SYT16: variants seen among roughly 807,000 people sequenced by gnomAD.
The protein encoded by SYT16 is synaptotagmin-16.
In SYT16, 42 loss-of-function variants were observed where a neutral mutation model predicts 61.4. The observed-to-expected ratio is 0.68, with a 90% CI of 0.53 to 0.89. The LOEUF (loss-of-function observed/expected upper bound fraction) is 0.89, where lower values mean the gene tolerates loss of function less well. Among genes scored for constraint, SYT16 ranks in the 40% least tolerant of loss-of-function variants. The probability of loss-of-function intolerance (pLI) is 0.00; values close to 1 mark genes in which losing one functional copy is unlikely to be tolerated. For missense variants in SYT16, 804 were observed against 807.3 expected, an observed-to-expected ratio of 1.00 and a Z score of 0.05; for synonymous variants, 314 against 302.3, an observed-to-expected ratio of 1.04 and a Z score of -0.40.
intron 5 of SYT16, chr14:62,079,311 T>C (rs1355676929): frequency 1.4e-5 from 16 of 1,129,832 alleles, no homozygotes; most frequent in Non-Finnish European, 1.2e-5. Flanking sequence ...GCTTCACTTA[T>C]TTTACAAGAA....
rs1333416258 is a variant in SYT16, at chr14:62,054,736, ATGC to A, written c.524-14864_524-14862del. ...TTTGGATATATTCATTATAGAGTCG[ATGC>A]TGAAGGGAGTTTATAACTGCCTTAT... On this transcript the variant is annotated intron_variant, in intron 3 of 7. Transcript: ENST00000683842. Among the ~76,000 whole-genome samples the A allele has an allele frequency of 2.6e-5, 4 of 152,324 alleles. No homozygotes were observed. In the East Asian group the frequency reaches 7.7e-4, roughly 29 times the overall value.
chr14:61,848,349 A>G (rs1441081013), intron 1 of SYT16, among the ~76,000 whole-genome samples: 4 of 152,178 alleles, frequency 2.6e-5, no homozygotes, highest in Non-Finnish European at 4.4e-5. Flanking sequence ...GTCTTGGATA[A>G]AATCTGGAAG....
In SYT16 at chr14:61,850,704, G is replaced by A. The variant is rs529829563; in HGVS notation, c.-325+37894G>A. 2.5e-3 allele frequency among the ~76,000 whole-genome samples: 378 copies of A among 152,168 alleles called. 1 individual carries two copies. The South Asian group carries it at 0.026, about 10-fold the overall frequency. The stretch of plus-strand genomic sequence containing the variant: ...CAACAAAAATCTATTGCTTTGGTTT[G>A]GATGAAAATGCCTGTAATCTTTCTA... On this transcript the variant is annotated intron_variant, in intron 1 of 7. Coordinates refer to ENST00000683842, the MANE Select transcript of SYT16 (RefSeq NM_001367656.1).
At chr14:62,063,882 G>A (rs2055938942) in intron 3 of SYT16, among the ~76,000 whole-genome samples, 2 of 152,162 alleles carry the variant, frequency 1.3e-5, no homozygotes, top group African/African-American at 4.8e-5. Flanking sequence ...GAAGGTGCCG[G>A]AGTACATGTA....
chr14:61,984,998 T>C (rs9285590), intron 2 of SYT16, among the ~76,000 whole-genome samples: 61,892 of 151,972 alleles, frequency 0.41, 13,097 homozygotes, highest in East Asian at 0.66. Flanking sequence ...AACCTACTTA[T>C]GTTTGCAACC....
intron 5 of SYT16, among the ~76,000 whole-genome samples, chr14:62,075,604 T>TTAAAAAAAAAAA (rs1566824324): frequency 4.9e-5 from 3 of 61,412 alleles, no homozygotes; most frequent in Non-Finnish European, 9.9e-5. Context: ...GGATGAACGG[T>TTAAAAAAAAAAA]AAAAAAAAAA....
chr14:61,991,045 T>G (rs1420892585), intron 2 of SYT16, among the ~76,000 whole-genome samples: 1 of 152,192 alleles, frequency 6.6e-6, no homozygotes, highest in Non-Finnish European at 1.5e-5. Context: ...TTTTAAAATC[T>G]TTATCAATTG....
chr14:62,056,275 C>T (rs2055550490), intron 3 of SYT16, among the ~76,000 whole-genome samples: 1 of 152,110 alleles, frequency 6.6e-6, no homozygotes, highest in Non-Finnish European at 1.5e-5. Context: ...GTCACCAGCC[C>T]CTTCTTATGC....
At chr14:61,862,034 C>T (rs758560791) in intron 1 of SYT16, among the ~76,000 whole-genome samples, 1 of 152,136 alleles carries the variant, frequency 6.6e-6, no homozygotes, top group African/African-American at 2.4e-5. Context: ...AAAAAAAACA[C>T]ACACAATATC....
chr14:61,986,338 AT>A (rs1566739594), intron 2 of SYT16, among the ~76,000 whole-genome samples: 1 of 151,820 alleles, frequency 6.6e-6, no homozygotes, highest in East Asian at 1.9e-4. Context: ...AATACAATTT[AT>A]AGACATTCTC....
intron 1 of SYT16, among the ~76,000 whole-genome samples, chr14:61,816,262 A>G (rs2045423625): frequency 6.9e-6 from 1 of 145,262 alleles, no homozygotes. Context: ...CTACTCCATC[A>G]GCAATTTCCA....
chr14:62,002,467 C>A (rs2053058485), intron 3 of SYT16, among the ~76,000 whole-genome samples: 1 of 152,034 alleles, frequency 6.6e-6, no homozygotes, highest in African/African-American at 2.4e-5. Context: ...CAGGAAAAGC[C>A]TGTTATTATG....
At chr14:62,058,259 C>T (rs1049286016) in intron 3 of SYT16, among the ~76,000 whole-genome samples, 4 of 151,044 alleles carry the variant, frequency 2.6e-5, no homozygotes, top group African/African-American at 7.3e-5. Flanking sequence ...TTTGTGTGAA[C>T]ATGTGTCTTT....
Position 62,022,617 on chromosome 14 carries a change from T to TACAC in SYT16, c.523+26093_523+26096dup, listed in dbSNP as rs34287414. Among the ~76,000 whole-genome samples, 287 of 149,844 alleles carry TACAC rather than the reference T, an allele frequency of 1.9e-3. 3 individuals are homozygous for TACAC. The highest frequency in any genetic ancestry group is 6.4e-3 in the African/African-American group (262 of 41,046). ...CCTTTTCTCCTTCTATAATTTGTAT[T>TACAC]ACACACACACACACACACACAGACA... On this transcript the variant is annotated intron_variant, in intron 3 of 7. Coordinates refer to ENST00000683842, the MANE Select transcript of SYT16 (RefSeq NM_001367656.1).
intron 7 of SYT16, among the ~76,000 whole-genome samples, chr14:62,095,873 G>C (rs1451672894): frequency 6.6e-6 from 1 of 151,940 alleles, no homozygotes; most frequent in Non-Finnish European, 1.5e-5. Context: ...AAAGATGGTA[G>C]AGGGATTATC....
At chr14:62,014,156 C>G (rs1215893278) in intron 3 of SYT16, among the ~76,000 whole-genome samples, 3 of 152,088 alleles carry the variant, frequency 2.0e-5, no homozygotes, top group Non-Finnish European at 4.4e-5. Flanking sequence ...AAATCTTCAT[C>G]TCTAGTCTGG....
intron 3 of SYT16, among the ~76,000 whole-genome samples, chr14:61,996,941 C>T (rs1363774475): frequency 1.3e-5 from 2 of 152,034 alleles, no homozygotes; most frequent in African/African-American, 2.4e-5. Flanking sequence ...CCGTACTTAT[C>T]GCAGAATTTT....
intron 3 of SYT16, among the ~76,000 whole-genome samples, chr14:62,004,233 C>A (rs10146469): frequency 1.3e-5 from 2 of 151,950 alleles, no homozygotes. Context: ...TACATGGCAA[C>A]AGGAGAGACA....
chr14:61,830,250 G>A (rs1166109236), intron 1 of SYT16, among the ~76,000 whole-genome samples: 1 of 152,152 alleles, frequency 6.6e-6, no homozygotes, highest in Non-Finnish European at 1.5e-5. Context: ...TTGTCTTTAA[G>A]ATTTTCCCTG....
Sources: allele counts gnomAD v4.1 joint callset (sites outside exome capture counted in the v4.1 genomes callset), GRCh38; gene constraint gnomAD v4.1.1; transcripts MANE v1.5; gene names NCBI Gene and HGNC (gene_info 2026-07-23, HGNC 2026-07-21).